The following ARHGAP8 variants were observed in gnomAD, a reference collection of about 807,000 sequenced individuals.
ARHGAP8 encodes rho GTPase-activating protein 8.
In ARHGAP8, 62 loss-of-function variants were observed where a neutral mutation model predicts 46.1. That is an observed-to-expected ratio of 1.34 (90% confidence interval 1.10 to 1.66). The LOEUF (loss-of-function observed/expected upper bound fraction) is 1.66. Ranked by LOEUF, ARHGAP8 falls within the 40% of genes most tolerant of loss-of-function variation. The probability of loss-of-function intolerance (pLI) is 0.00; values close to 1 mark genes in which losing one functional copy is unlikely to be tolerated. For synonymous variants in ARHGAP8, 375 were observed against 243.1 expected (o/e 1.54, Z -5.05); for missense variants, 923 against 568.4 (o/e 1.62, Z -6.34).
chr22:44,825,360 C>T lies in ARHGAP8; in HGVS notation c.486-123C>T, dbSNP rs886985844. The T allele has an allele frequency of 2.5e-5, 24 of 949,556 alleles. No homozygotes were observed. In the East Asian group the frequency reaches 3.4e-4, roughly 14 times the overall value. The allele number at this position is 949,556 out of a possible 1,614,324, so 58.8% of individuals were successfully genotyped here. A position where few individuals can be genotyped will look rare whatever the true frequency, so the allele number is the denominator to read the frequency against. On this transcript the variant is annotated intron_variant, in intron 6 of 11. Transcript: ENST00000356099. Reference sequence around the variant, plus strand: ...GTGTGTGTGAGCTGGCAGTGTGGCACGTGCGCCCAGAGGGATGAGATGCCC... The same window carrying T: ...GTGTGTGTGAGCTGGCAGTGTGGCATGTGCGCCCAGAGGGATGAGATGCCC...
chr22:44,807,928 A>C (rs1467424935), intron 3 of ARHGAP8, among the ~76,000 whole-genome samples: 1 of 152,208 alleles, frequency 6.6e-6, no homozygotes, highest in African/African-American at 2.4e-5. Context: ...ATGTGATTGC[A>C]CTGAAGGTCC....
chr22:44,831,383 T>G (rs758298238), intron 7 of ARHGAP8, among the ~76,000 whole-genome samples: 32 of 152,166 alleles, frequency 2.1e-4, no homozygotes, highest in Admixed American at 9.2e-4. Context: ...TGCGTGTTGT[T>G]ACAGCACCAC....
At chr22:44,802,305 T>C (rs1460409917) in intron 3 of ARHGAP8, 141 bp downstream of exon 3, 2 of 1,078,580 alleles carry the variant, frequency 1.9e-6, no homozygotes, top group Admixed American at 5.1e-5. Context: ...GCTCTTGCAC[T>C]CATGAGCCTA....
At chr22:44,783,136 T>G (rs950933853) in intron 1 of ARHGAP8, among the ~76,000 whole-genome samples, 1 of 146,960 alleles carries the variant, frequency 6.8e-6, no homozygotes, top group African/African-American at 2.5e-5. Context: ...CCCAGGAGGT[T>G]TCACCACGTT....
At chr22:44,783,412 T>C (rs545072053) in intron 1 of ARHGAP8, among the ~76,000 whole-genome samples, 13 of 152,092 alleles carry the variant, frequency 8.5e-5, no homozygotes, top group Non-Finnish European at 1.6e-4. Flanking sequence ...GAGCTTGTCA[T>C]TGAAGAGCTC....
At chr22:44,855,169 C>T (rs567742746) in intron 10 of ARHGAP8, among the ~76,000 whole-genome samples, 7 of 152,184 alleles carry the variant, frequency 4.6e-5, no homozygotes, top group South Asian at 4.1e-4. Flanking sequence ...AATAATTTCA[C>T]GTATACATAA....
intron 7 of ARHGAP8, among the ~76,000 whole-genome samples, chr22:44,829,151 C>T (rs972169182): frequency 4.0e-5 from 5 of 125,604 alleles, no homozygotes; most frequent in African/African-American, 1.6e-4. Flanking sequence ...AAAAGTTGGG[C>T]ATGGTGTCAC....
At position 44,811,611 on chromosome 22, in the gene ARHGAP8, A is replaced by G. The variant is rs533276699; in HGVS notation, c.300-3061A>G. 4.6e-5 allele frequency among the ~76,000 whole-genome samples: 7 copies of G among 152,306 alleles called. No individual in the cohort carries two copies. In the East Asian group the frequency reaches 1.2e-3, roughly 25 times the overall value. ...TTAGCGTTACAGATCTTGGCTCAGTAGAAGCAAAAAGGAGGGACACTCTAG... is the reference window on the plus strand; with the variant it reads ...TTAGCGTTACAGATCTTGGCTCAGTGGAAGCAAAAAGGAGGGACACTCTAG... On this transcript the variant is annotated intron_variant, in intron 4 of 11. Transcript: ENST00000356099.
At chr22:44,792,399 T>C (rs1927758780) in intron 2 of ARHGAP8, among the ~76,000 whole-genome samples, 1 of 152,138 alleles carries the variant, frequency 6.6e-6, no homozygotes, top group African/African-American at 2.4e-5. Context: ...CAGAGGCCTC[T>C]CCCCTTCCTC....
chr22:44,859,809 G>T lies in ARHGAP8; in HGVS notation c.956G>T (p.Arg319Leu), dbSNP rs149853709. The change falls in exon 11 of 12, where the codon CGC becomes CTC. Residue 319 changes from arginine (R) to leucine (L), a missense_variant. Physicochemically the swap from Arg to Leu is moderately radical, Grantham distance 102 (BLOSUM62 -2). Transcript: ENST00000356099. The part of the protein sequence containing the change: ...SLPEHNYVVL[R>L]YLMGFLHAVS... ...CCAGAGCACAACTACGTCGTCCTCC[G>T]CTACCTCATGGGCTTCCTGCATGCG... 839 of 1,613,980 alleles carry T rather than the reference G, an allele frequency of 5.2e-4. 6 individuals are homozygous for T. In the African/African-American group the frequency reaches 0.01, roughly 20 times the overall value.
intron 1 of ARHGAP8, among the ~76,000 whole-genome samples, chr22:44,784,504 G>A (rs1927073178): frequency 2.0e-5 from 3 of 152,178 alleles, no homozygotes; most frequent in Non-Finnish European, 2.9e-5. Context: ...GAACAATACG[G>A]GAGAATGTGT....
At position 44,755,567 on chromosome 22, in the gene ARHGAP8, A is replaced by C. The variant is rs577490229; in HGVS notation, c.-72+2940A>C. Reference sequence around the variant, plus strand: ...GCCCTGCACTGTGGGACTTAGCTGCAGGAGAGCGCGCTGCTCCGGAGTCCT... The same window carrying C: ...GCCCTGCACTGTGGGACTTAGCTGCCGGAGAGCGCGCTGCTCCGGAGTCCT... On this transcript the variant is annotated intron_variant, in intron 1 of 11. Transcript: ENST00000356099. 2.0e-5 allele frequency among the ~76,000 whole-genome samples: 3 copies of C among 152,322 alleles called. No individual in the cohort carries two copies. The South Asian group carries it at 6.2e-4, about 32-fold the overall frequency.
intron 3 of ARHGAP8, among the ~76,000 whole-genome samples, chr22:44,802,966 C>A (rs1192550130): frequency 2.0e-5 from 3 of 150,314 alleles, no homozygotes; most frequent in Non-Finnish European, 4.4e-5. Context: ...GCATTCAAAC[C>A]CAGGACAGAA....
chr22:44,809,057 G>C (rs780882910), intron 4 of ARHGAP8: 1 of 465,744 alleles, frequency 2.1e-6, no homozygotes, highest in South Asian at 1.6e-5. Flanking sequence ...CCAAGCTCAA[G>C]CGATCCTCCC....
rs989283088 is a variant in ARHGAP8 at position 44,822,595 on chromosome 22, A to T, written c.485+126A>T. On this transcript the variant is annotated intron_variant, in intron 6 of 11. Transcript: ENST00000356099. ...TGTGCTTGGCTAGATTTGGCTCAGA[A>T]ATCTGCGGCATCGACAAAGATCCGC... 11 of 827,024 alleles carry T rather than the reference A, an allele frequency of 1.3e-5. No individual in the cohort carries two copies. In the African/African-American group the frequency reaches 2.0e-4, roughly 15 times the overall value. 51.2% of individuals were successfully genotyped at this position (827,024 alleles called of 1,614,324 possible).
chr22:44,834,850 AAT>A (rs1313284587), intron 7 of ARHGAP8, among the ~76,000 whole-genome samples: 2 of 152,318 alleles, frequency 1.3e-5, no homozygotes, highest in East Asian at 3.9e-4. Context: ...TGATAAAAAA[AAT>A]GTCCTTCCTT....
At chr22:44,790,730 C>A (rs1190049419) in intron 2 of ARHGAP8, among the ~76,000 whole-genome samples, 1 of 94,562 alleles carries the variant, frequency 1.1e-5, no homozygotes, top group Non-Finnish European at 2.2e-5. Flanking sequence ...AAGAACCTGG[C>A]CGTTTTTTTT....
intron 7 of ARHGAP8, among the ~76,000 whole-genome samples, chr22:44,829,239 C>T (rs746213074): frequency 2.7e-5 from 4 of 150,006 alleles, no homozygotes; most frequent in East Asian, 1.9e-4. Context: ...TTCAGTGAGC[C>T]GAGATTTTGC....
chr22:44,861,897 C>G (rs201963081), intron 11 of ARHGAP8, among the ~76,000 whole-genome samples: 6 of 152,166 alleles, frequency 3.9e-5, no homozygotes, highest in Non-Finnish European at 5.9e-5. Flanking sequence ...TGGTCCCCAT[C>G]ATGCCCAGTT....
Sources: allele counts gnomAD v4.1 joint callset (sites outside exome capture counted in the v4.1 genomes callset), GRCh38; gene constraint gnomAD v4.1.1; transcripts MANE v1.5; gene names NCBI Gene and HGNC (gene_info 2026-07-23, HGNC 2026-07-21).